ELMO1: variants seen among roughly 807,000 people sequenced by gnomAD.
ELMO1 encodes the protein engulfment and cell motility 1, also known as engulfment and cell motility protein 1.
Under a neutral mutation model 98.9 loss-of-function variants are expected in ELMO1, and 26 were observed. The observed-to-expected ratio is 0.26, with a 90% CI of 0.19 to 0.36. The LOEUF (loss-of-function observed/expected upper bound fraction) is 0.36. ELMO1 is among the 10% of genes least tolerant of loss of function. ELMO1 has a pLI of 1.00. For missense variants in ELMO1, 627 were observed against 935.2 expected (o/e 0.67, Z 4.30); for synonymous variants, 346 against 346.0 (o/e 1.00, Z 0.00).
At chr7:36,880,943 T>G (rs1804403653) in intron 18 of ELMO1, among the ~76,000 whole-genome samples, 1 of 152,206 alleles carries the variant, frequency 6.6e-6, no homozygotes, top group African/African-American at 2.4e-5. Context: ...AAGCTGAAAT[T>G]CCCTTGACTT....
intron 16 of ELMO1, among the ~76,000 whole-genome samples, chr7:36,998,714 G>A (rs564909678): frequency 6.6e-6 from 1 of 152,078 alleles, no homozygotes; most frequent in East Asian, 1.9e-4. Flanking sequence ...GTCAAAATCA[G>A]TGACTTTTGT....
At chr7:37,231,052 AG>A (rs1794146136) in intron 8 of ELMO1, among the ~76,000 whole-genome samples, 1 of 152,200 alleles carries the variant, frequency 6.6e-6, no homozygotes, top group Non-Finnish European at 1.5e-5. Flanking sequence ...TGATAAATAC[AG>A]GCAAAAAGGG....
chr7:37,326,768 T>G (rs1449872728), intron 2 of ELMO1, among the ~76,000 whole-genome samples: 1 of 152,162 alleles, frequency 6.6e-6, no homozygotes, highest in Non-Finnish European at 1.5e-5. Context: ...TAGAAATAAT[T>G]ATGTTGAATG....
chr7:37,391,917 C>T (rs1803095466), intron 1 of ELMO1, among the ~76,000 whole-genome samples: 1 of 152,188 alleles, frequency 6.6e-6, no homozygotes, highest in Admixed American at 6.5e-5. Flanking sequence ...GTGTGTACCC[C>T]CCTAAGAAAG....
At chr7:37,315,998 G>A (rs372619369) in intron 2 of ELMO1, 38 bp from the exon 3 acceptor site, 60 of 1,425,438 alleles carry the variant, frequency 4.2e-5, no homozygotes, top group East Asian at 2.1e-4. Context: ...TGTTAGTTTC[G>A]TTTCATCATT....
intron 16 of ELMO1, among the ~76,000 whole-genome samples, chr7:37,000,791 C>A (rs1486252816): frequency 1.3e-5 from 2 of 152,016 alleles, no homozygotes; most frequent in African/African-American, 4.8e-5. Context: ...ATTTTTCCCA[C>A]TGGCCTGGAA....
chr7:37,338,405 G>T (rs80258174), intron 2 of ELMO1, among the ~76,000 whole-genome samples: 4,496 of 152,222 alleles, frequency 0.03, 95 homozygotes, highest in Non-Finnish European at 0.045. Flanking sequence ...AACATACAAG[G>T]CACCATTTAT....
At chr7:37,302,469 A>G (rs1798399362) in intron 4 of ELMO1, among the ~76,000 whole-genome samples, 1 of 152,038 alleles carries the variant, frequency 6.6e-6, no homozygotes, top group Non-Finnish European at 1.5e-5. Context: ...TCCTTCTCAG[A>G]ACATTGCCAC....
chr7:37,308,430 T>G (rs1011699387), intron 4 of ELMO1, among the ~76,000 whole-genome samples: 1 of 152,218 alleles, frequency 6.6e-6, no homozygotes, highest in Non-Finnish European at 1.5e-5. Flanking sequence ...ACTATTTCTC[T>G]GCACACCATC....
chr7:37,117,098 G>A, intron 14 of ELMO1: 1 of 204,166 alleles, frequency 4.9e-6, no homozygotes, highest in East Asian at 1.1e-4. Context: ...AGGAAACACT[G>A]AGACTTTGGG....
chr7:37,293,043 T>G (rs1216835547), intron 4 of ELMO1, among the ~76,000 whole-genome samples: 1 of 28,718 alleles, frequency 3.5e-5, no homozygotes, highest in African/African-American at 1.0e-4. Flanking sequence ...GGGAGGGAGG[T>G]GGGGGGGTCA....
chr7:36,876,616 G>A (rs1355363479), intron 19 of ELMO1, among the ~76,000 whole-genome samples: 2 of 152,130 alleles, frequency 1.3e-5, no homozygotes, highest in African/African-American at 2.4e-5. Flanking sequence ...GTCTGAGAAT[G>A]TGCATTGCTA....
At chr7:37,411,775 C>G (rs1188975415) in intron 1 of ELMO1, among the ~76,000 whole-genome samples, 5 of 152,318 alleles carry the variant, frequency 3.3e-5, no homozygotes, top group Non-Finnish European at 7.3e-5. Flanking sequence ...ACACTTAATT[C>G]AGAAGCATCA....
intron 2 of ELMO1, among the ~76,000 whole-genome samples, chr7:37,331,544 A>G (rs1307618651): frequency 1.3e-5 from 2 of 151,508 alleles, no homozygotes; most frequent in Non-Finnish European, 2.9e-5. Flanking sequence ...CCTGTTCACA[A>G]TTTATACCCA....
chr7:36,890,952 A>G (rs534679136), intron 17 of ELMO1, among the ~76,000 whole-genome samples: 36 of 152,168 alleles, frequency 2.4e-4, no homozygotes, highest in African/African-American at 8.2e-4. Flanking sequence ...ACCTGCTCCA[A>G]CCTCAGGGCC....
At chr7:36,987,580 A>T (rs1455796019) in intron 16 of ELMO1, among the ~76,000 whole-genome samples, 1 of 152,090 alleles carries the variant, frequency 6.6e-6, no homozygotes, top group Non-Finnish European at 1.5e-5. Context: ...GCCCGTAATG[A>T]CCCAGATGAG....
intron 13 of ELMO1, among the ~76,000 whole-genome samples, chr7:37,134,673 A>G (rs1787149130): frequency 6.6e-6 from 1 of 152,070 alleles, no homozygotes; most frequent in Admixed American, 6.5e-5. Flanking sequence ...GTGTCCACCA[A>G]TGGATGACTG....
intron 1 of ELMO1, among the ~76,000 whole-genome samples, chr7:37,386,803 G>A (rs536312060): frequency 9.9e-4 from 150 of 152,254 alleles, no homozygotes; most frequent in Admixed American, 1.7e-3. Context: ...ATTTTGGTTG[G>A]AGCCTCCTCC....
At chr7:37,159,143 G>T (rs1789013706) in intron 13 of ELMO1, among the ~76,000 whole-genome samples, 1 of 152,162 alleles carries the variant, frequency 6.6e-6, no homozygotes, top group South Asian at 2.1e-4. Context: ...ATCACACACT[G>T]GGGCTGTCGT....
Sources: gnomAD v4.1 joint callset for allele counts (sites outside exome capture counted in the v4.1 genomes callset) on GRCh38, gnomAD v4.1.1 for gene constraint, MANE v1.5 for transcripts, NCBI Gene and HGNC (gene_info 2026-07-23, HGNC 2026-07-21) for gene names.